Variants in ALX4 observed in about 807,000 individuals in gnomAD.
The protein encoded by ALX4 is homeobox protein aristaless-like 4.
A neutral mutation model predicts 40.6 loss-of-function variants in ALX4; 22 were observed. The ratio of observed to expected loss-of-function variants is 0.54; its 90% confidence interval spans 0.39 to 0.77. ALX4 has a LOEUF of 0.77. ALX4 is among the 30% of genes least tolerant of loss of function. The probability of loss-of-function intolerance (pLI) is 0.00; values close to 1 mark genes in which losing one functional copy is unlikely to be tolerated. For missense variants in ALX4, 556 were observed against 564.8 expected, an observed-to-expected ratio of 0.98 and a Z score of 0.16; for synonymous variants, 266 against 240.5, an observed-to-expected ratio of 1.11 and a Z score of -0.98.
chr11:44,301,955 G>A (rs989943658), intron 1 of ALX4, among the ~76,000 whole-genome samples: 7 of 152,278 alleles, frequency 4.6e-5, no homozygotes, highest in African/African-American at 1.2e-4. Flanking sequence ...GACCATGTTC[G>A]AGGGCCCCAG....
At chr11:44,286,631 C>T (rs1956340188) in intron 1 of ALX4, among the ~76,000 whole-genome samples, 1 of 152,152 alleles carries the variant, frequency 6.6e-6, no homozygotes, top group African/African-American at 2.4e-5. Context: ...GTAATTCAGC[C>T]CTACTACGCG....
At chr11:44,281,912 G>A (rs1057003349) in intron 1 of ALX4, among the ~76,000 whole-genome samples, 2 of 152,238 alleles carry the variant, frequency 1.3e-5, no homozygotes, top group African/African-American at 4.8e-5. Flanking sequence ...CCAATCTTCA[G>A]CAGAGGGTGG....
At chr11:44,299,896 T>G (rs1956425590) in intron 1 of ALX4, among the ~76,000 whole-genome samples, 1 of 152,118 alleles carries the variant, frequency 6.6e-6, no homozygotes, top group South Asian at 2.1e-4. Flanking sequence ...AGTACCAATC[T>G]CATAGGATTG....
chr11:44,267,550 G>A lies in ALX4; in HGVS notation c.850C>T (p.His284Tyr), dbSNP rs1956220677. 1 of 1,614,130 alleles carries A rather than the reference G, an allele frequency of 6.2e-7. No individual in the cohort carries two copies. Among genetic ancestry groups the A allele is most frequent in the Non-Finnish European group, 8.5e-7 (1 of 1,180,028 alleles). Residue 284 changes from histidine (H) to tyrosine (Y), a missense_variant, in exon 3 of 4, where the codon CAC becomes TAC. Physicochemically the swap from His to Tyr is moderately conservative, Grantham distance 83. Transcript: ENST00000652299. ...RFGQMQQVRT[H>Y]FSTAYELPLL... ...GGCAGCTCATATGCAGTGGAGAAGTGGGTTCGAACCTGCTGCATCTGCCCA... is the reference window on the plus strand; with the variant it reads ...GGCAGCTCATATGCAGTGGAGAAGTAGGTTCGAACCTGCTGCATCTGCCCA...
At chr11:44,288,167 C>A (rs940379884) in intron 1 of ALX4, among the ~76,000 whole-genome samples, 1 of 152,100 alleles carries the variant, frequency 6.6e-6, no homozygotes, top group African/African-American at 2.4e-5. Flanking sequence ...GGATTACAGG[C>A]ATGAGCCACT....
At chr11:44,303,704 A>G (rs1012511758) in intron 1 of ALX4, among the ~76,000 whole-genome samples, 1 of 152,198 alleles carries the variant, frequency 6.6e-6, no homozygotes, top group Non-Finnish European at 1.5e-5. Flanking sequence ...TTAAGGTGAC[A>G]GAACGTGCTG....
intron 1 of ALX4, among the ~76,000 whole-genome samples, chr11:44,277,528 C>A (rs1473765292): frequency 1.3e-5 from 2 of 152,208 alleles, no homozygotes; most frequent in African/African-American, 2.4e-5. Context: ...TAGGTGTGAG[C>A]ATCAGCCACT....
chr11:44,293,785 G>A (rs186634439), intron 1 of ALX4, among the ~76,000 whole-genome samples: 5 of 152,340 alleles, frequency 3.3e-5, no homozygotes, highest in Admixed American at 6.5e-5. Context: ...GCTATTACTC[G>A]TTCTGTTTAG....
chr11:44,308,455 G>A (rs968053658), intron 1 of ALX4, among the ~76,000 whole-genome samples: 11 of 152,202 alleles, frequency 7.2e-5, no homozygotes, highest in African/African-American at 1.7e-4. Context: ...CACCAGGGCC[G>A]GACCTGAAGG....
intron 1 of ALX4, among the ~76,000 whole-genome samples, chr11:44,306,677 C>T (rs1956470464): frequency 6.6e-6 from 1 of 152,250 alleles, no homozygotes; most frequent in Non-Finnish European, 1.5e-5. Context: ...AGGATTTTTC[C>T]TTGAACTCCA....
At chr11:44,302,790 T>C (rs1489119583) in intron 1 of ALX4, among the ~76,000 whole-genome samples, 1 of 152,108 alleles carries the variant, frequency 6.6e-6, no homozygotes, top group Non-Finnish European at 1.5e-5. Context: ...TGTGTTAGCC[T>C]CCAGGGAAGC....
chr11:44,304,354 G>A (rs1480222585), intron 1 of ALX4, among the ~76,000 whole-genome samples: 5 of 152,230 alleles, frequency 3.3e-5, no homozygotes, highest in Non-Finnish European at 5.9e-5. Flanking sequence ...CTGAACAGGG[G>A]TTTGGGGGGC....
chr11:44,305,224 A>C (rs1044405000), intron 1 of ALX4, among the ~76,000 whole-genome samples: 2 of 152,228 alleles, frequency 1.3e-5, no homozygotes, highest in Non-Finnish European at 2.9e-5. Flanking sequence ...GCACTTCACT[A>C]TATGTAAATT....
intron 1 of ALX4, among the ~76,000 whole-genome samples, chr11:44,277,726 G>A (rs1228750396): frequency 3.3e-5 from 5 of 152,102 alleles, no homozygotes; most frequent in Admixed American, 6.5e-5. Context: ...TGGCATTCTC[G>A]CCTCCCTCTC....
At chr11:44,306,344 C>G (rs1163700755) in intron 1 of ALX4, among the ~76,000 whole-genome samples, 1 of 152,268 alleles carries the variant, frequency 6.6e-6, no homozygotes, top group Non-Finnish European at 1.5e-5. Flanking sequence ...ACCCGGCCAG[C>G]AGAGACTGGA....
chr11:44,305,278 T>C (rs1053605971), intron 1 of ALX4, among the ~76,000 whole-genome samples: 1 of 152,218 alleles, frequency 6.6e-6, no homozygotes, highest in Admixed American at 6.5e-5. Context: ...GTCGATTGAC[T>C]TAAAATATTG....
At chr11:44,271,136 G>A (rs1220925203) in intron 2 of ALX4, among the ~76,000 whole-genome samples, 1 of 108,566 alleles carries the variant, frequency 9.2e-6, no homozygotes, top group East Asian at 2.9e-4. Flanking sequence ...GGCAGGCAGG[G>A]GGTTCCATCA....
At chr11:44,302,029 C>A (rs886232853) in intron 1 of ALX4, among the ~76,000 whole-genome samples, 2 of 152,166 alleles carry the variant, frequency 1.3e-5, no homozygotes, top group African/African-American at 4.8e-5. Context: ...GCCTGCCACT[C>A]GGTGAGTCAG....
chr11:44,297,722 TAATAAAATAAAATAA>T (rs10542746), intron 1 of ALX4, among the ~76,000 whole-genome samples: 2 of 150,628 alleles, frequency 1.3e-5, no homozygotes, highest in South Asian at 4.3e-4. Flanking sequence ...TCTCAAAAAA[TAATAAAATAAAATAA>T]AATAAAATAA....
Sources: allele counts gnomAD v4.1 joint callset (sites outside exome capture counted in the v4.1 genomes callset), GRCh38; gene constraint gnomAD v4.1.1; transcripts MANE v1.5; gene names NCBI Gene and HGNC (gene_info 2026-07-23, HGNC 2026-07-21).